Variants in LRP5 observed in about 807,000 individuals in gnomAD.
LRP5 encodes the protein low-density lipoprotein receptor-related protein 5.
In LRP5, 62 loss-of-function variants were observed where a neutral mutation model predicts 154.1. That is an observed-to-expected ratio of 0.40 (90% CI 0.33 to 0.50). LRP5 has a LOEUF of 0.50. LRP5 is among the 20% of genes least tolerant of loss of function. The pLI, the probability that LRP5 is intolerant of heterozygous loss-of-function variation, is 0.55. For missense variants in LRP5, 1,915 were observed against 2,336.7 expected (o/e 0.82, Z 3.72); for synonymous variants, 966 against 1,011.5 (o/e 0.96, Z 0.85).
Position 68,447,637 on chromosome 11 carries a change from GC to G in LRP5, c.4586+1107del, listed in dbSNP as rs2098682174. 6.6e-6 allele frequency among the ~76,000 whole-genome samples: 1 copy of G among 152,074 alleles called. No individual in the cohort carries two copies. The highest frequency in any genetic ancestry group is 2.1e-4 in the South Asian group (1 of 4,828). On this transcript the variant is annotated intron_variant, in intron 22 of 22. Coordinates refer to ENST00000294304, the MANE Select transcript of LRP5 (RefSeq NM_002335.4). The surrounding 1 kb of genome is among the most constrained non-coding windows in gnomAD (Gnocchi z 4.3). The stretch of plus-strand genomic sequence containing the variant: ...TTTGCTCATGCCCGTCCTGCTCTGG[GC>G]CCACCGCGGACACATCTTCCCCCCG...
At chr11:68,331,652 T>C (rs1001936768) in intron 1 of LRP5, among the ~76,000 whole-genome samples, 2 of 152,252 alleles carry the variant, frequency 1.3e-5, no homozygotes, top group African/African-American at 4.8e-5. Context: ...CCCCTGTATG[T>C]TTCCTGTTCG....
intron 1 of LRP5, among the ~76,000 whole-genome samples, chr11:68,319,533 A>G (rs2098595513): frequency 6.6e-6 from 1 of 151,728 alleles, no homozygotes; most frequent in Non-Finnish European, 1.5e-5. Flanking sequence ...TATTATTATT[A>G]TTTAATTTTA....
chr11:68,407,894 G>A (rs1189618571), intron 9 of LRP5, among the ~76,000 whole-genome samples: 3 of 152,142 alleles, frequency 2.0e-5, no homozygotes, highest in African/African-American at 7.2e-5. Flanking sequence ...ATCTGTTTAT[G>A]GATTGTCTGT....
chr11:68,321,684 A>G (rs1295863127), intron 1 of LRP5, among the ~76,000 whole-genome samples: 1 of 152,150 alleles, frequency 6.6e-6, no homozygotes, highest in East Asian at 1.9e-4. Context: ...TCTAATGCAC[A>G]CTAATTTTAG....
chr11:68,436,891 A>T lies in LRP5; in HGVS notation c.4003A>T (p.Ile1335Phe). 6.2e-7 allele frequency: 1 copy of T among 1,613,432 alleles called. No homozygotes were observed. Among genetic ancestry groups the T allele is most frequent in the South Asian group, 1.1e-5 (1 of 91,080 alleles). ...DRSDEADCDA[I>F]CLPNQFRCAS... ...GAGTGCATGGCCTCTCCTTGCAGCC[A>T]TCTGCCTGCCCAACCAGTTCCGGTG... The change falls in exon 19 of 23, where the codon ATC (isoleucine) becomes TTC (phenylalanine). Residue 1335 changes from isoleucine (I) to phenylalanine (F), a missense_variant and splice_region_variant. By Grantham distance (21) the Ile-to-Phe change is conservative (BLOSUM62 0). Around this residue, in one of 3 missense-constraint regions of LRP5, gnomAD observed 1,094 missense variants for 1,210.1 expected, o/e 0.90. Coordinates refer to ENST00000294304, the MANE Select transcript of LRP5 (RefSeq NM_002335.4).
intron 3 of LRP5, among the ~76,000 whole-genome samples, chr11:68,363,391 G>A (rs1023904788): frequency 2.0e-5 from 3 of 152,134 alleles, no homozygotes; most frequent in Non-Finnish European, 2.9e-5. Flanking sequence ...GCATGGTGGC[G>A]CACGCCTGTA....
chr11:68,351,203 C>T (rs568204531), intron 2 of LRP5, among the ~76,000 whole-genome samples: 7 of 152,230 alleles, frequency 4.6e-5, no homozygotes, highest in African/African-American at 7.2e-5. Flanking sequence ...GAAGTGCCCC[C>T]GGCCTCCCAG....
intron 5 of LRP5, among the ~76,000 whole-genome samples, chr11:68,366,464 G>A (rs1426885681): frequency 6.6e-6 from 1 of 152,124 alleles, no homozygotes; most frequent in Non-Finnish European, 1.5e-5. Flanking sequence ...GCACATGGGG[G>A]TCCTGACTTT....
At chr11:68,372,602 C>T (rs148950395) in intron 5 of LRP5, among the ~76,000 whole-genome samples, 108 of 152,238 alleles carry the variant, frequency 7.1e-4, no homozygotes, top group African/African-American at 2.5e-3. Context: ...TCAGTTTGTC[C>T]GTTGGTAGAA....
chr11:68,367,357 C>T (rs2098631662), intron 5 of LRP5, among the ~76,000 whole-genome samples: 1 of 152,212 alleles, frequency 6.6e-6, no homozygotes, highest in Non-Finnish European at 1.5e-5. Context: ...ATAGTAGGTT[C>T]TAGCAGGTGG....
intron 1 of LRP5, among the ~76,000 whole-genome samples, chr11:68,325,315 T>C (rs909401821): frequency 5.3e-5 from 8 of 152,198 alleles, no homozygotes; most frequent in South Asian, 2.1e-4. Context: ...AATTGGGATC[T>C]TGCCCTGACC....
chr11:68,414,907 T>C (rs923346), intron 12 of LRP5, among the ~76,000 whole-genome samples: 19,441 of 152,234 alleles, frequency 0.13, 1,456 homozygotes, highest in East Asian at 0.2. Context: ...TCTTTGGTCC[T>C]GTTGCTCACC....
intron 5 of LRP5, among the ~76,000 whole-genome samples, chr11:68,384,613 A>G (rs1173424498): frequency 6.6e-6 from 1 of 152,128 alleles, no homozygotes; most frequent in East Asian, 1.9e-4. Context: ...CCAAGTCTGC[A>G]TGGGTCTCCA....
Position 68,409,966 on chromosome 11 carries a change from T to C in LRP5, c.2144T>C (p.Phe715Ser). The change falls in exon 10 of 23, where the codon TTT becomes TCT. Residue 715 changes from phenylalanine to serine, a missense_variant. Around this residue, in one of 3 missense-constraint regions of LRP5, gnomAD observed 773 missense variants for 1,100.9 expected, o/e 0.70. Transcript: ENST00000294304. ...AGCTCGGTGGAGCACGTGGTGGAGT[T>C]TGGCCTTGACTACCCCGAGGGCATG... ...NGSSVEHVVE[F>S]GLDYPEGMAV... 6.2e-7 allele frequency: 1 copy of C among 1,614,004 alleles called. No individual in the cohort carries two copies. Among genetic ancestry groups the C allele is most frequent in the Non-Finnish European group, 8.5e-7 (1 of 1,180,018 alleles).
At chr11:68,448,105 A>G (rs758599947) in intron 22 of LRP5, among the ~76,000 whole-genome samples, 2 of 152,210 alleles carry the variant, frequency 1.3e-5, no homozygotes, top group African/African-American at 2.4e-5. Flanking sequence ...CACATCTTAC[A>G]TGGCTTCAGG....
chr11:68,381,270 G>T (rs1277276701), intron 5 of LRP5, among the ~76,000 whole-genome samples: 1 of 152,154 alleles, frequency 6.6e-6, no homozygotes, highest in Non-Finnish European at 1.5e-5. Flanking sequence ...CATGTCTTAG[G>T]GTGTGTGGGG....
chr11:68,374,496 G>C (rs1285581596), intron 5 of LRP5, among the ~76,000 whole-genome samples: 1 of 152,242 alleles, frequency 6.6e-6, no homozygotes, highest in African/African-American at 2.4e-5. Context: ...AGTTGTGGAA[G>C]AAGCCTGAGT....
intron 8 of LRP5, among the ~76,000 whole-genome samples, chr11:68,405,375 G>A (rs772826974): frequency 2.0e-5 from 3 of 151,202 alleles, no homozygotes; most frequent in Admixed American, 1.3e-4. Flanking sequence ...GGGGGCTGAC[G>A]TGGCAGGATC....
intron 7 of LRP5, among the ~76,000 whole-genome samples, chr11:68,397,777 C>T (rs533640299): frequency 2.2e-3 from 330 of 152,332 alleles, no homozygotes; most frequent in Non-Finnish European, 3.6e-3. Flanking sequence ...GGACTCAGGA[C>T]GTACCAGGTC....
Sources: allele counts gnomAD v4.1 joint callset (sites outside exome capture counted in the v4.1 genomes callset), GRCh38; gene constraint gnomAD v4.1.1; regional missense constraint gnomAD v4.1.1; non-coding constraint Gnocchi (gnomAD v3.1); transcripts MANE v1.5; gene names NCBI Gene and HGNC (gene_info 2026-07-23, HGNC 2026-07-21).